ZFHX4: variants seen among roughly 807,000 people sequenced by gnomAD.
The protein encoded by ZFHX4 is zinc finger homeobox 4.
Under a neutral mutation model 267.6 loss-of-function variants are expected in ZFHX4, and 56 were observed. That is an observed-to-expected ratio of 0.21 (90% CI 0.17 to 0.26). ZFHX4 has a LOEUF of 0.26. ZFHX4 is among the 10% of genes least tolerant of loss of function. The pLI, the probability that ZFHX4 is intolerant of heterozygous loss-of-function variation, is 1.00. For synonymous variants in ZFHX4, 1,778 were observed against 1,665.6 expected (o/e 1.07, Z -1.64); for missense variants, 4,332 against 4,420.0 (o/e 0.98, Z 0.56).
chr8:76,751,919 T>C (rs535260097), intron 3 of ZFHX4, among the ~76,000 whole-genome samples: 3 of 152,296 alleles, frequency 2.0e-5, no homozygotes, highest in Admixed American at 2.0e-4. Context: ...ACTCTTATGC[T>C]GAGAGTAGAT....
rs1812560780 is a variant in ZFHX4 at position 76,852,493 on chromosome 8, G to A, written c.5572G>A (p.Ala1858Thr). Residue 1858 changes from alanine (A) to threonine (T), a missense_variant, in exon 10 of 11, where the codon GCA (alanine) becomes ACA (threonine). Physicochemically the swap from Ala to Thr is moderately conservative, Grantham distance 58. Transcript: ENST00000651372. The stretch of plus-strand genomic sequence containing the variant: ...GAAGGATGTGCCATCTTATAAGGAG[G>A]CAGAAGATATTTCTGAAAAGCCAGA... ...IMKDVPSYKEAEDISEKPEKP... is the reference protein window; with the variant it reads ...IMKDVPSYKETEDISEKPEKP... 1 of 1,597,040 alleles carries A rather than the reference G, an allele frequency of 6.3e-7. No individual in the cohort carries two copies. The highest frequency in any genetic ancestry group is 1.1e-5 in the South Asian group (1 of 88,128).
intron 3 of ZFHX4, among the ~76,000 whole-genome samples, chr8:76,709,979 G>A (rs79465205): frequency 3.3e-5 from 5 of 151,898 alleles, no homozygotes; most frequent in African/African-American, 1.2e-4. Flanking sequence ...TAAGACAAAA[G>A]CATGATTATA....
intron 1 of ZFHX4, among the ~76,000 whole-genome samples, chr8:76,695,916 T>G (rs1807943328): frequency 6.6e-6 from 1 of 152,248 alleles, no homozygotes; most frequent in Non-Finnish European, 1.5e-5. Context: ...TGCTGAAACC[T>G]GATCAACATC....
At chr8:76,794,825 T>A (rs924848862) in intron 4 of ZFHX4, among the ~76,000 whole-genome samples, 11 of 152,108 alleles carry the variant, frequency 7.2e-5, no homozygotes, top group African/African-American at 2.7e-4. Context: ...CAAACATTTT[T>A]AAATCTAGTT....
chr8:76,696,880 T>C (rs1481842427), intron 1 of ZFHX4, among the ~76,000 whole-genome samples: 1 of 152,016 alleles, frequency 6.6e-6, no homozygotes, highest in Non-Finnish European at 1.5e-5. Context: ...AAGAGTATTA[T>C]ATAGTAAGAT....
intron 6 of ZFHX4, among the ~76,000 whole-genome samples, chr8:76,844,045 G>A (rs1812304186): frequency 6.6e-6 from 1 of 152,098 alleles, no homozygotes; most frequent in Non-Finnish European, 1.5e-5. Context: ...TAAGCCGCAA[G>A]CAATGTAAAA....
chr8:76,731,782 T>C (rs1312665620), intron 3 of ZFHX4, among the ~76,000 whole-genome samples: 3 of 151,806 alleles, frequency 2.0e-5, no homozygotes, highest in African/African-American at 4.8e-5. Flanking sequence ...CTGGACTTAC[T>C]AATTTTAGCT....
chr8:76,772,410 G>T (rs1207130891), intron 3 of ZFHX4, among the ~76,000 whole-genome samples: 1 of 152,150 alleles, frequency 6.6e-6, no homozygotes, highest in Non-Finnish European at 1.5e-5. Context: ...CTCGTTAATG[G>T]TAGTTAGAAC....
intron 4 of ZFHX4, among the ~76,000 whole-genome samples, chr8:76,815,845 T>G (rs1811491757): frequency 2.6e-5 from 4 of 152,206 alleles, no homozygotes; most frequent in Admixed American, 2.6e-4. Context: ...GCCCCACCTG[T>G]TAATACCATT....
intron 4 of ZFHX4, among the ~76,000 whole-genome samples, chr8:76,822,452 CTTT>C (rs5892566): frequency 1.7e-5 from 2 of 116,148 alleles, no homozygotes; most frequent in Non-Finnish European, 3.4e-5. Context: ...GTGTCTACCT[CTTT>C]TTTTTTTTTT....
chr8:76,686,999 C>A (rs751204154), intron 1 of ZFHX4, among the ~76,000 whole-genome samples: 11 of 152,144 alleles, frequency 7.2e-5, no homozygotes, highest in Admixed American at 3.3e-4. Flanking sequence ...AACTGAGAAG[C>A]GCCCAGGGAA....
chr8:76,681,616 G>A lies in ZFHX4; in HGVS notation c.-51G>A, dbSNP rs963297902. On this transcript the variant is annotated 5_prime_UTR_variant, in exon 1 of 11. The change abolishes an upstream ATG in the 5' untranslated region. Coordinates refer to ENST00000651372, the MANE Select transcript of ZFHX4 (RefSeq NM_024721.5). ...ATCGAGTAGGAACTGCAGGGGAAAT[G>A]GAAAGTAAGTTTTTTCTTTAACTTT... The A allele has an allele frequency of 2.0e-5, 8 of 396,354 alleles. No individual in the cohort carries two copies. The highest frequency in any genetic ancestry group is 3.6e-5 in the Non-Finnish European group (8 of 225,192). 24.6% of individuals were successfully genotyped at this position (396,354 alleles called of 1,614,324 possible).
At chr8:76,695,175 C>T (rs566861918) in intron 1 of ZFHX4, among the ~76,000 whole-genome samples, 15 of 152,196 alleles carry the variant, frequency 9.9e-5, no homozygotes, top group African/African-American at 2.9e-4. Context: ...ATTCTCCAGG[C>T]TACAGGCCAG....
chr8:76,719,282 T>G (rs1319186695), intron 3 of ZFHX4, among the ~76,000 whole-genome samples: 1 of 151,870 alleles, frequency 6.6e-6, no homozygotes, highest in Non-Finnish European at 1.5e-5. Flanking sequence ...ATGCCCTGTA[T>G]TTTGTTTTAA....
intron 10 of ZFHX4, among the ~76,000 whole-genome samples, chr8:76,862,704 G>T (rs1812902048): frequency 6.6e-6 from 1 of 152,050 alleles, no homozygotes; most frequent in Non-Finnish European, 1.5e-5. Flanking sequence ...CCTTCCCAGA[G>T]GTATAGTAAA....
intron 4 of ZFHX4, among the ~76,000 whole-genome samples, chr8:76,821,470 G>A (rs192424060): frequency 9.4e-4 from 143 of 151,636 alleles, no homozygotes; most frequent in African/African-American, 2.4e-3. Flanking sequence ...ATTCCTAGTC[G>A]GCCTAACTAC....
chr8:76,808,672 A>C (rs1385348761), intron 4 of ZFHX4, among the ~76,000 whole-genome samples: 1 of 152,160 alleles, frequency 6.6e-6, no homozygotes, highest in Non-Finnish European at 1.5e-5. Flanking sequence ...TTAAATATTG[A>C]TTGGCCCTTT....
intron 3 of ZFHX4, among the ~76,000 whole-genome samples, chr8:76,710,408 G>C (rs926150089): frequency 2.0e-5 from 3 of 152,126 alleles, no homozygotes; most frequent in Non-Finnish European, 4.4e-5. Context: ...AGCAAGCTTG[G>C]TTGGCTTGTG....
chr8:76,738,734 CTCCTT>C (rs1809237905), intron 3 of ZFHX4, among the ~76,000 whole-genome samples: 1 of 145,044 alleles, frequency 6.9e-6, no homozygotes, highest in Admixed American at 7.1e-5. Flanking sequence ...CTCTCTCTCT[CTCCTT>C]CTCTCTTTCT....
Sources: gnomAD v4.1 joint callset for allele counts (sites outside exome capture counted in the v4.1 genomes callset) on GRCh38, gnomAD v4.1.1 for gene constraint, MANE v1.5 for transcripts, NCBI Gene and HGNC (gene_info 2026-07-23, HGNC 2026-07-21) for gene names.